Variants in FTO observed in about 807,000 individuals in gnomAD.
The protein encoded by FTO is alpha-ketoglutarate-dependent dioxygenase FTO.
Under a neutral mutation model 63.9 loss-of-function variants are expected in FTO, and 47 were observed. That is an observed-to-expected ratio of 0.74 (90% CI 0.58 to 0.94). The LOEUF is 0.94. Ranked by LOEUF, FTO falls within the 40% of genes least tolerant of loss-of-function variation. The pLI is 0.00. For synonymous variants in FTO, 207 were observed against 224.4 expected (o/e 0.92, Z 0.69); for missense variants, 562 against 618.1 (o/e 0.91, Z 0.96).
At chr16:54,099,351 A>G (rs2086583877) in intron 8 of FTO, among the ~76,000 whole-genome samples, 1 of 152,170 alleles carries the variant, frequency 6.6e-6, no homozygotes, top group African/African-American at 2.4e-5. Context: ...TTGCAAGGAA[A>G]GTTACTCTAG....
chr16:53,978,376 T>C (rs1377082256), intron 8 of FTO, among the ~76,000 whole-genome samples: 2 of 152,236 alleles, frequency 1.3e-5, no homozygotes, highest in African/African-American at 2.4e-5. Context: ...TATTTCAAAA[T>C]TTAATCTTAG....
At chr16:53,819,597 CT>C (rs535307412) in intron 2 of FTO, among the ~76,000 whole-genome samples, 49 of 151,438 alleles carry the variant, frequency 3.2e-4, no homozygotes, top group Admixed American at 1.8e-3. Flanking sequence ...ATAGGTTGTA[CT>C]TTTTTTTTCC....
intron 1 of FTO, among the ~76,000 whole-genome samples, chr16:53,754,459 G>A (rs2076871871): frequency 6.6e-6 from 1 of 152,134 alleles, no homozygotes; most frequent in African/African-American, 2.4e-5. Flanking sequence ...CCAACCTGGC[G>A]AAACCCCATC....
intron 8 of FTO, among the ~76,000 whole-genome samples, chr16:54,018,417 C>G (rs200395195): frequency 0.09 from 5,967 of 66,632 alleles, 146 homozygotes; most frequent in Non-Finnish European, 0.12. Flanking sequence ...TAGATACATA[C>G]ATACATACAT....
At chr16:53,728,764 CTTT>C (rs368270837) in intron 1 of FTO, among the ~76,000 whole-genome samples, 2 of 133,904 alleles carry the variant, frequency 1.5e-5, no homozygotes, top group Non-Finnish European at 3.2e-5. Flanking sequence ...GACCATACTT[CTTT>C]TTTTTTTTTT....
chr16:53,898,972 G>T (rs944428162), intron 7 of FTO, among the ~76,000 whole-genome samples: 1 of 152,140 alleles, frequency 6.6e-6, no homozygotes, highest in Non-Finnish European at 1.5e-5. Context: ...ACAGCACCTG[G>T]CCAATAAATT....
At chr16:53,904,229 C>T (rs1232659093) in intron 7 of FTO, among the ~76,000 whole-genome samples, 3 of 152,068 alleles carry the variant, frequency 2.0e-5, no homozygotes, top group African/African-American at 7.2e-5. Context: ...TTTCCATTTG[C>T]ATTTCTCTCA....
At chr16:54,073,782 A>G (rs1305575127) in intron 8 of FTO, among the ~76,000 whole-genome samples, 1 of 152,162 alleles carries the variant, frequency 6.6e-6, no homozygotes, top group Non-Finnish European at 1.5e-5. Flanking sequence ...TATTTATAGA[A>G]TACTCATGTA....
chr16:53,775,859 C>T (rs1372007821), intron 1 of FTO, among the ~76,000 whole-genome samples: 3 of 152,236 alleles, frequency 2.0e-5, no homozygotes, highest in African/African-American at 7.2e-5. Flanking sequence ...ATACTTATAG[C>T]ATGGTTTACT....
At chr16:53,764,268 AC>A (rs1318500480) in intron 1 of FTO, 1 of 152,272 alleles carries the variant, frequency 6.6e-6, no homozygotes, top group Non-Finnish European at 1.5e-5. Context: ...CCTGTGGATA[AC>A]CATGTGAGAA....
intron 4 of FTO, among the ~76,000 whole-genome samples, chr16:53,870,985 G>A (rs1448756267): frequency 6.6e-6 from 1 of 152,108 alleles, no homozygotes; most frequent in African/African-American, 2.4e-5. Flanking sequence ...TTTGTCACCA[G>A]TTGTCTTCTG....
intron 7 of FTO, among the ~76,000 whole-genome samples, chr16:53,921,262 G>A (rs1269725191): frequency 6.6e-6 from 1 of 152,118 alleles, no homozygotes; most frequent in Admixed American, 6.5e-5. Flanking sequence ...CTCTCCCCCA[G>A]TGTTTTACAC....
At chr16:53,973,255 C>T (rs1230742816) in intron 8 of FTO, among the ~76,000 whole-genome samples, 1 of 152,188 alleles carries the variant, frequency 6.6e-6, no homozygotes, top group East Asian at 1.9e-4. Context: ...AGGAGGCTGA[C>T]CCCAGATGCT....
At chr16:54,109,108 C>T (rs1331449038) in intron 8 of FTO, among the ~76,000 whole-genome samples, 2 of 152,172 alleles carry the variant, frequency 1.3e-5, no homozygotes, top group African/African-American at 4.8e-5. Flanking sequence ...CAATAACGAG[C>T]GCTCTGCTGG....
At chr16:53,845,462 T>C (rs973672848) in intron 4 of FTO, among the ~76,000 whole-genome samples, 1 of 152,224 alleles carries the variant, frequency 6.6e-6, no homozygotes, top group African/African-American at 2.4e-5. Flanking sequence ...ATTCTGCCAC[T>C]AAGCATTTTC....
chr16:53,942,558 T>A, intron 8 of FTO, among the ~76,000 whole-genome samples: 1 of 152,214 alleles, frequency 6.6e-6, no homozygotes, highest in East Asian at 1.9e-4. Flanking sequence ...TCAGTAGGGA[T>A]AGGAACAAAG....
intron 7 of FTO, among the ~76,000 whole-genome samples, chr16:53,890,046 ACT>A (rs2151908446): frequency 6.6e-6 from 1 of 152,060 alleles, no homozygotes; most frequent in South Asian, 2.1e-4. Context: ...TGGAATCTGA[ACT>A]CTAGAAGGCT....
chr16:53,828,733 T>G (rs1331160693), intron 3 of FTO, among the ~76,000 whole-genome samples: 12 of 152,210 alleles, frequency 7.9e-5, no homozygotes, highest in Admixed American at 6.5e-5. Flanking sequence ...AGAAGGTTGA[T>G]TAACTTGTTC....
intron 7 of FTO, among the ~76,000 whole-genome samples, chr16:53,893,185 C>T (rs906101424): frequency 6.6e-6 from 1 of 152,258 alleles, no homozygotes; most frequent in Non-Finnish European, 1.5e-5. Flanking sequence ...GCAACATAAC[C>T]CTTTCTTATA....
Sources: gnomAD v4.1 joint callset for allele counts (sites outside exome capture counted in the v4.1 genomes callset) on GRCh38, gnomAD v4.1.1 for gene constraint, MANE v1.5 for transcripts, NCBI Gene and HGNC (gene_info 2026-07-23, HGNC 2026-07-21) for gene names.